Variants in PSMG1 observed in about 807,000 individuals in gnomAD.
PSMG1 encodes Down syndrome critical region gene 2.
PSMG1 carries 23 observed loss-of-function variants against 37.2 expected under a neutral mutation model. That is an observed-to-expected ratio of 0.62 (90% CI 0.44 to 0.88). PSMG1 has a LOEUF of 0.88. Among genes scored for constraint, PSMG1 ranks in the 40% least tolerant of loss-of-function variants. The pLI is 0.00. For missense variants in PSMG1, 340 were observed against 344.2 expected, an observed-to-expected ratio of 0.99 and a Z score of 0.10; for synonymous variants, 127 against 128.0, an observed-to-expected ratio of 0.99 and a Z score of 0.05.
At chr21:39,179,839 T>G in intron 4 of PSMG1, 85 bp downstream of exon 4, 1 of 1,096,564 alleles carries the variant, frequency 9.1e-7, no homozygotes. Flanking sequence ...TCTGACTGCA[T>G]AAGTTTAAGT....
chr21:39,180,342 TG>T lies in PSMG1; in HGVS notation c.335del (p.Thr112AsnfsTer15). On this transcript the variant is annotated frameshift_variant, in exon 3 of 7. Transcript: ENST00000331573. LOFTEE classifies it high-confidence loss of function. ...WNEWCRTTDTTHLSSTEAFCV... is the reference protein window; with the variant it reads ...WNEWCRTTDTXHLSSTEAFCV... ...AAAAAGCCTCTGTGGAGGACAGATG[TG>T]TAGTGTCTGTTGTTCTACACCATTC... 6.2e-7 allele frequency: 1 copy of T among 1,613,388 alleles called. No homozygotes were observed. Among genetic ancestry groups the T allele is most frequent in the East Asian group, 2.2e-5 (1 of 44,862 alleles).
chr21:39,178,863 CATTA>C, intron 4 of PSMG1: 1 of 555,948 alleles, frequency 1.8e-6, no homozygotes, highest in East Asian at 3.1e-5. Context: ...TCACTCTCCT[CATTA>C]GTGAACTAAG....
At chr21:39,179,674 G>T (rs200337849) in intron 4 of PSMG1, among the ~76,000 whole-genome samples, 15 of 151,934 alleles carry the variant, frequency 9.9e-5, no homozygotes, top group African/African-American at 3.6e-4. Flanking sequence ...CCTCAATGCT[G>T]AGGACCAACT....
Position 39,177,584 on chromosome 21 carries a change from A to G in PSMG1, c.656-13T>C, listed in dbSNP as rs1198740487. 6 of 1,505,354 alleles carry G rather than the reference A, an allele frequency of 4.0e-6. No homozygotes were observed. The highest frequency in any genetic ancestry group is 5.3e-6 in the Non-Finnish European group (6 of 1,129,698). 93.2% of individuals were successfully genotyped at this position (1,505,354 alleles called of 1,614,324 possible). A position where few individuals can be genotyped will look rare whatever the true frequency, so the allele number is the denominator to read the frequency against. On this transcript the variant is annotated splice_polypyrimidine_tract_variant and intron_variant, in intron 5 of 6. Coordinates refer to ENST00000331573, the MANE Select transcript of PSMG1 (RefSeq NM_003720.4). ...CAGTAGCTTAGAACTATGAATACAC[A>G]AGAAAAAAAAACGATGTAAGTTTTC... is the stretch of plus-strand genomic sequence containing the variant.
rs2030712149 is a variant in PSMG1, at chr21:39,178,617, G to T, written c.487C>A (p.Gln163Lys). 2.5e-6 allele frequency: 4 copies of T among 1,613,890 alleles called. No homozygotes were observed. The highest frequency in any genetic ancestry group is 3.4e-6 in the Non-Finnish European group (4 of 1,179,976). ...VFGSCPRKNM[Q>K]ITILTCRHVT... is the part of the protein sequence containing the mutation. ...TGTCGACATGTGAGAATAGTTATCT[G>T]CATGTTCTTCCTTGGACAAGAGCCA... is the stretch of plus-strand genomic sequence containing the variant. The change falls in exon 5 of 7, where the codon CAG (glutamine) becomes AAG (lysine). Residue 163 changes from glutamine (Q) to lysine (K), a missense_variant. Coordinates refer to ENST00000331573, the MANE Select transcript of PSMG1 (RefSeq NM_003720.4).
In PSMG1 at chr21:39,183,241, C is replaced by T. The variant is rs374377130; in HGVS notation, c.134+11G>A. On this transcript the variant is annotated intron_variant, in intron 1 of 6. Coordinates refer to ENST00000331573, the MANE Select transcript of PSMG1 (RefSeq NM_003720.4). ...TGCGGTGAGCGCGCTGCCCTTATCC[C>T]GGTGCCTCACCTCTTCCGCGCCAGC... 3.6e-5 allele frequency: 57 copies of T among 1,574,566 alleles called. No individual in the cohort carries two copies. The African/African-American group carries it at 6.0e-4, about 17-fold the overall frequency.
chr21:39,176,191 AACC>A (rs1485669983), intron 6 of PSMG1, among the ~76,000 whole-genome samples: 1 of 152,260 alleles, frequency 6.6e-6, no homozygotes, highest in Non-Finnish European at 1.5e-5. Context: ...CACCCTGCAG[AACC>A]ACCATCTTAC....
chr21:39,183,443 G>C lies in PSMG1; in HGVS notation c.-58C>G. On this transcript the variant is annotated 5_prime_UTR_variant, in exon 1 of 7. Coordinates refer to ENST00000331573, the MANE Select transcript of PSMG1 (RefSeq NM_003720.4). ...GCGCCGCGGGACCGCACGCCGGCTT[G>C]CGCGAGACCACGCTCCCTCACCGCG... 1 of 1,512,624 alleles carries C rather than the reference G, an allele frequency of 6.6e-7. No homozygotes were observed. Among genetic ancestry groups the C allele is most frequent in the Admixed American group, 2.0e-5 (1 of 50,154 alleles). The allele number at this position is 1,512,624 out of a possible 1,614,324, so 93.7% of individuals were successfully genotyped here.
At chr21:39,183,051 G>C in intron 1 of PSMG1, 1 of 612,146 alleles carries the variant, frequency 1.6e-6, no homozygotes. Flanking sequence ...ATCCACGCGA[G>C]AACCACACAC....
rs910015439 is a variant in PSMG1, at chr21:39,180,372, C to T, written c.306G>A (p.Trp102Ter). ...TGTCTGTTGTTCTACACCATTCATT[C>T]CAGAGTTTAGCACAACCAACTTCCT... ...VWEEVGCAKL[W>*]NEWCRTTDTT... The change falls in exon 3 of 7, where the codon TGG becomes TGA. Residue 102 changes from tryptophan (W) to a stop codon, truncating the protein, a stop_gained. Transcript: ENST00000331573. LOFTEE classifies it high-confidence loss of function. The T allele has an allele frequency of 6.2e-7, 1 of 1,611,768 alleles. No individual in the cohort carries two copies. The highest frequency in any genetic ancestry group is 1.7e-5 in the Admixed American group (1 of 59,710).
chr21:39,179,546 C>A (rs1364975868), intron 4 of PSMG1, among the ~76,000 whole-genome samples: 1 of 152,116 alleles, frequency 6.6e-6, no homozygotes, highest in African/African-American at 2.4e-5. Flanking sequence ...GTAGAAGAGT[C>A]TGGATTTGAT....
At chr21:39,183,079 C>A in intron 1 of PSMG1, 173 bp downstream of exon 1, 5 of 826,202 alleles carry the variant, frequency 6.1e-6, no homozygotes, top group Non-Finnish European at 8.7e-6. Flanking sequence ...GCTGGCGCCG[C>A]TGGACGCCGC....
chr21:39,178,155 A>G (rs1435378132), intron 5 of PSMG1, among the ~76,000 whole-genome samples: 1 of 152,210 alleles, frequency 6.6e-6, no homozygotes, highest in Non-Finnish European at 1.5e-5. Context: ...TTGATGCACC[A>G]ATAATTTATA....
chr21:39,182,804 G>A (rs940721029), intron 1 of PSMG1, among the ~76,000 whole-genome samples: 24 of 152,182 alleles, frequency 1.6e-4, no homozygotes, highest in African/African-American at 5.8e-4. Flanking sequence ...AGTGTTGGGT[G>A]CAGGTTTAAA....
chr21:39,176,637 AGG>A (rs1381377005), intron 6 of PSMG1, among the ~76,000 whole-genome samples: 2 of 152,264 alleles, frequency 1.3e-5, no homozygotes, highest in African/African-American at 4.8e-5. Context: ...TCAACATGCC[AGG>A]TATGTGGTAA....
chr21:39,181,748 TAA>T (rs2030833892), intron 2 of PSMG1, 22 bp downstream of exon 2: 3 of 1,426,586 alleles, frequency 2.1e-6, no homozygotes, highest in Non-Finnish European at 2.8e-6. Flanking sequence ...ACAAAATGAC[TAA>T]GTCTTCTGCA....
At chr21:39,177,654 G>T in intron 5 of PSMG1, 83 bp from the exon 6 acceptor site, 1 of 1,081,072 alleles carries the variant, frequency 9.3e-7, no homozygotes. Context: ...AATAAAGGCT[G>T]TTGTTAAAAG....
In PSMG1 at chr21:39,175,494, C is replaced by G. The variant is rs1455861778; in HGVS notation, c.*96G>C. Reference sequence around the variant, plus strand: ...CAATTTTATTCCGTTTCATCATTCTCAAAATATATCCCCCAAAAGTAATCT... The same window carrying G: ...CAATTTTATTCCGTTTCATCATTCTGAAAATATATCCCCCAAAAGTAATCT... On this transcript the variant is annotated 3_prime_UTR_variant, in exon 7 of 7. Coordinates refer to ENST00000331573, the MANE Select transcript of PSMG1 (RefSeq NM_003720.4). The G allele has an allele frequency of 7.2e-7, 1 of 1,397,648 alleles. No individual in the cohort carries two copies. Among genetic ancestry groups the G allele is most frequent in the African/African-American group, 1.5e-5 (1 of 67,878 alleles). 86.6% of individuals were successfully genotyped at this position (1,397,648 alleles called of 1,614,324 possible). A position where few individuals can be genotyped will look rare whatever the true frequency, so the allele number is the denominator to read the frequency against.
upstream of PSMG1, chr21:39,183,499 C>G (rs1455678009): frequency 2.9e-5 from 38 of 1,297,784 alleles, no homozygotes; most frequent in Admixed American, 3.5e-4. Flanking sequence ...GCACAGGCCA[C>G]GCCCTCCGCG....
Sources: allele counts gnomAD v4.1 joint callset (sites outside exome capture counted in the v4.1 genomes callset), GRCh38; gene constraint gnomAD v4.1.1; transcripts MANE v1.5; gene names NCBI Gene and HGNC (gene_info 2026-07-23, HGNC 2026-07-21).